Variants in TMTC1 observed in about 807,000 individuals in gnomAD.
The protein encoded by TMTC1 is protein O-mannosyl-transferase TMTC1.
In TMTC1, 73 loss-of-function variants were observed where a neutral mutation model predicts 104.8. The ratio of observed to expected loss-of-function variants is 0.70; its 90% CI spans 0.58 to 0.85. The LOEUF (loss-of-function observed/expected upper bound fraction) is 0.85. Ranked by LOEUF, TMTC1 falls within the 40% of genes least tolerant of loss-of-function variation. The pLI is 0.00. For synonymous variants in TMTC1, 434 were observed against 428.7 expected (o/e 1.01, Z -0.15); for missense variants, 1,035 against 1,096.1 (o/e 0.94, Z 0.79).
intron 5 of TMTC1, chr12:29,641,302 T>C (rs982752110): frequency 6.6e-6 from 1 of 152,348 alleles, no homozygotes; most frequent in African/African-American, 2.4e-5. Flanking sequence ...AAATAGAGCA[T>C]TAAACCACCA....
chr12:29,512,134 A>G lies in TMTC1; in HGVS notation c.2431-14T>C. On this transcript the variant is annotated splice_polypyrimidine_tract_variant and intron_variant, in intron 16 of 17. Transcript: ENST00000539277. The stretch of plus-strand genomic sequence containing the variant: ...CACTCTATAGCTCTAAATAAATAAG[A>G]AATATCCTCAGGTTAGGAAACAAAC... 6.3e-7 allele frequency: 1 copy of G among 1,597,674 alleles called. No individual in the cohort carries two copies. The highest frequency in any genetic ancestry group is 8.5e-7 in the Non-Finnish European group (1 of 1,172,138).
At chr12:29,725,475 A>T (rs2136898192) in intron 5 of TMTC1, among the ~76,000 whole-genome samples, 1 of 152,288 alleles carries the variant, frequency 6.6e-6, no homozygotes, top group African/African-American at 2.4e-5. Flanking sequence ...CTGGGATTAT[A>T]GGCATGAGCT....
intron 1 of TMTC1, among the ~76,000 whole-genome samples, chr12:29,773,174 T>C (rs1943631805): frequency 6.6e-6 from 1 of 152,160 alleles, no homozygotes; most frequent in South Asian, 2.1e-4. Flanking sequence ...TGCCTTCCTG[T>C]AAAACTTCCC....
chr12:29,692,025 G>A (rs1941282949), intron 5 of TMTC1, among the ~76,000 whole-genome samples: 2 of 145,096 alleles, frequency 1.4e-5, no homozygotes, highest in Non-Finnish European at 3.0e-5. Flanking sequence ...CTCAGCTCAT[G>A]AGCACATTGT....
At chr12:29,759,130 G>C (rs1269309420) in intron 2 of TMTC1, among the ~76,000 whole-genome samples, 1 of 152,122 alleles carries the variant, frequency 6.6e-6, no homozygotes, top group Non-Finnish European at 1.5e-5. Context: ...GTCCTTCTGT[G>C]TACCATGCTG....
chr12:29,600,435 G>T (rs1161474987), intron 7 of TMTC1, among the ~76,000 whole-genome samples: 1 of 152,124 alleles, frequency 6.6e-6, no homozygotes, highest in East Asian at 1.9e-4. Context: ...CAACACAGAA[G>T]TTTCCTTACC....
intron 5 of TMTC1, among the ~76,000 whole-genome samples, chr12:29,640,014 C>T (rs1318475415): frequency 6.6e-6 from 1 of 152,206 alleles, no homozygotes; most frequent in African/African-American, 2.4e-5. Context: ...GTAGAAGGTG[C>T]TAGATAAGTG....
intron 10 of TMTC1, among the ~76,000 whole-genome samples, chr12:29,545,992 T>C (rs1385886172): frequency 1.3e-5 from 2 of 152,188 alleles, no homozygotes; most frequent in Non-Finnish European, 2.9e-5. Context: ...GGTAAAATCC[T>C]TTTCCCAAGG....
intron 8 of TMTC1, among the ~76,000 whole-genome samples, chr12:29,573,403 G>C (rs1945735363): frequency 6.6e-6 from 1 of 152,194 alleles, no homozygotes; most frequent in Non-Finnish European, 1.5e-5. Flanking sequence ...AAATGGTACA[G>C]TTGTTTATCA....
At chr12:29,744,366 T>C (rs1942899774) in intron 5 of TMTC1, among the ~76,000 whole-genome samples, 1 of 152,218 alleles carries the variant, frequency 6.6e-6, no homozygotes, top group Non-Finnish European at 1.5e-5. Context: ...AACCTGCACA[T>C]TGTACACATG....
In TMTC1 at chr12:29,755,850, G is replaced by A; in HGVS notation, c.590C>T (p.Pro197Leu). The A allele has an allele frequency of 1.9e-6, 3 of 1,614,126 alleles. No homozygotes were observed. The highest frequency in any genetic ancestry group is 1.7e-6 in the Non-Finnish European group (2 of 1,179,996). Residue 197 changes from proline to leucine, a missense_variant, in exon 4 of 18, where the codon CCT (proline) becomes CTT (leucine). Transcript: ENST00000539277. ...LDQGCVGGSF[P>L]STVSPFFLLL... The stretch of plus-strand genomic sequence containing the variant: ...CAAGAAGAAGGGAGACACCGTGGAA[G>A]GGAAACTTCCCCCAACACAGCCCTG...
At position 29,512,087 on chromosome 12, in the gene TMTC1, G is replaced by C. The variant is rs143668345; in HGVS notation, c.2464C>G (p.Gln822Glu). The C allele has an allele frequency of 1.2e-6, 2 of 1,613,958 alleles. No homozygotes were observed. Among genetic ancestry groups the C allele is most frequent in the Non-Finnish European group, 8.5e-7 (1 of 1,179,926 alleles). The change falls in exon 17 of 18, where the codon CAA (glutamine) becomes GAA (glutamate). Residue 822 changes from glutamine (Q) to glutamate (E), a missense_variant. Transcript: ENST00000539277. ...CCCATGTTCATCCAGGCCTGTGCTT[G>C]GTCTGGGTTTAGTTGCACAGCCACT... is the stretch of plus-strand genomic sequence containing the variant. ...YRVAVQLNPD[Q>E]AQAWMNMGGI...
chr12:29,576,414 C>A (rs980920009), intron 8 of TMTC1, among the ~76,000 whole-genome samples: 4 of 152,078 alleles, frequency 2.6e-5, no homozygotes, highest in Non-Finnish European at 5.9e-5. Context: ...ATGGATAAAT[C>A]ATTTGTGGTA....
intron 7 of TMTC1, among the ~76,000 whole-genome samples, chr12:29,593,118 T>A (rs976624899): frequency 5.3e-5 from 8 of 152,138 alleles, no homozygotes; most frequent in African/African-American, 1.9e-4. Flanking sequence ...TGAGCTGGGC[T>A]CTCCTCTGGC....
intron 5 of TMTC1, among the ~76,000 whole-genome samples, chr12:29,697,400 A>G (rs74886652): frequency 0.023 from 3,455 of 152,326 alleles, 79 homozygotes; most frequent in Admixed American, 0.052. Flanking sequence ...GATGCTCACA[A>G]TGATCAAGAA....
At chr12:29,686,641 C>T (rs1941103393) in intron 5 of TMTC1, among the ~76,000 whole-genome samples, 1 of 152,154 alleles carries the variant, frequency 6.6e-6, no homozygotes, top group Admixed American at 6.5e-5. Flanking sequence ...GTACAGACAC[C>T]ATCCTTGAGC....
At chr12:29,548,039 C>T (rs12298798) in intron 10 of TMTC1, among the ~76,000 whole-genome samples, 4,441 of 152,238 alleles carry the variant, frequency 0.029, 196 homozygotes, top group African/African-American at 0.1. Flanking sequence ...AGGCGCTAAC[C>T]ATTCTTCTTG....
At chr12:29,589,159 C>T (rs1359651606) in intron 7 of TMTC1, among the ~76,000 whole-genome samples, 1 of 152,194 alleles carries the variant, frequency 6.6e-6, no homozygotes, top group Non-Finnish European at 1.5e-5. Flanking sequence ...CCTATCTGCT[C>T]CTTTTCTCTG....
chr12:29,588,742 C>T (rs149144232), intron 7 of TMTC1, among the ~76,000 whole-genome samples: 12 of 152,262 alleles, frequency 7.9e-5, no homozygotes, highest in African/African-American at 2.9e-4. Flanking sequence ...TCACAGAAGT[C>T]CTCACTGACA....
Sources: gnomAD v4.1 joint callset for allele counts (sites outside exome capture counted in the v4.1 genomes callset) on GRCh38, gnomAD v4.1.1 for gene constraint, MANE v1.5 for transcripts, NCBI Gene and HGNC (gene_info 2026-07-23, HGNC 2026-07-21) for gene names.